GLG1: variants seen among roughly 807,000 people sequenced by gnomAD.
GLG1 encodes golgi glycoprotein 1.
GLG1 carries 38 observed loss-of-function variants against 160.5 expected under a neutral mutation model. The ratio of observed to expected loss-of-function variants is 0.24; its 90% CI spans 0.18 to 0.31. The LOEUF is 0.31. Among genes scored for constraint, GLG1 ranks in the 10% least tolerant of loss-of-function variants. The pLI is 1.00. For missense variants in GLG1, 1,373 were observed against 1,505.2 expected (o/e 0.91, Z 1.45); for synonymous variants, 644 against 543.4 (o/e 1.19, Z -2.57).
At chr16:74,575,619 G>A (rs112685216) in intron 1 of GLG1, among the ~76,000 whole-genome samples, 22,712 of 152,032 alleles carry the variant, frequency 0.15, 2,103 homozygotes, top group Middle Eastern at 0.22. Flanking sequence ...GTTTTTTTGA[G>A]ACAGAGTCTC....
chr16:74,598,329 G>A (rs1958353944), intron 1 of GLG1, among the ~76,000 whole-genome samples: 3 of 150,714 alleles, frequency 2.0e-5, no homozygotes, highest in East Asian at 2.0e-4. Context: ...AGACCATCCT[G>A]GCCAACATGG....
intron 2 of GLG1, among the ~76,000 whole-genome samples, chr16:74,516,408 A>G (rs1203245461): frequency 6.6e-6 from 1 of 151,880 alleles, no homozygotes; most frequent in Non-Finnish European, 1.5e-5. Context: ...AACTCACTCA[A>G]ACTTGCTCAA....
At chr16:74,506,688 T>C (rs1336336103) in intron 3 of GLG1, among the ~76,000 whole-genome samples, 1 of 151,838 alleles carries the variant, frequency 6.6e-6, no homozygotes, top group African/African-American at 2.4e-5. Flanking sequence ...ACTTGAGATT[T>C]TACTGAAACA....
intron 13 of GLG1, among the ~76,000 whole-genome samples, chr16:74,473,462 TAG>T (rs2015283673): frequency 9.6e-6 from 1 of 104,548 alleles, no homozygotes; most frequent in South Asian, 3.4e-4. Context: ...TTTTGAGACA[TAG>T]AGTCTCGCTC....
At chr16:74,472,458 G>C (rs1253052436) in intron 13 of GLG1, 47 bp from the exon 14 acceptor site, 1 of 1,429,208 alleles carries the variant, frequency 7.0e-7, no homozygotes, top group East Asian at 2.3e-5. Context: ...GAAAGAGCCA[G>C]GGTGGAGGAG....
rs2014381122 is a variant in GLG1, at chr16:74,452,895, TGA to T, written c.*270_*271del. 3 of 1,142,722 alleles carry T rather than the reference TGA, an allele frequency of 2.6e-6. No homozygotes were observed. In the East Asian group the frequency reaches 1.3e-4, roughly 51 times the overall value. The allele number at this position is 1,142,722 out of a possible 1,614,324, so 70.8% of individuals were successfully genotyped here. ...GGAAGTACCGGAAGTTCTGTTGGTA[TGA>T]GAGAGACTTGTCTACAGGCAGGTAA... On this transcript the variant is annotated 3_prime_UTR_variant, in exon 26 of 26. Coordinates refer to ENST00000422840, the MANE Select transcript of GLG1 (RefSeq NM_001145667.2).
rs781657222 is a variant in GLG1, at chr16:74,491,180, G to C, written c.1270C>G (p.Leu424Val). The C allele has an allele frequency of 1.2e-6, 2 of 1,613,938 alleles. No individual in the cohort carries two copies. Among genetic ancestry groups the C allele is most frequent in the African/African-American group, 1.3e-5 (1 of 74,910 alleles). Residue 424 changes from leucine to valine, a missense_variant, in exon 8 of 26, where the codon CTG (leucine) becomes GTG (valine). Physicochemically the swap from Leu to Val is conservative, Grantham distance 32. Around this residue, in one of 4 missense-constraint regions of GLG1, gnomAD observed 386 missense variants for 388.5 expected, o/e 0.99. Transcript: ENST00000422840. ...QVSSECQGEM[L>V]DYRRMLMEDF... is the part of the protein sequence containing the mutation. The stretch of plus-strand genomic sequence containing the variant: ...TCCATCAACATGCGTCGGTAATCCA[G>C]CATCTCCCCCTGGCACTCACTGCTG...
chr16:74,467,680 G>T, intron 18 of GLG1, 76 bp downstream of exon 18: 2 of 964,234 alleles, frequency 2.1e-6, no homozygotes, highest in Non-Finnish European at 3.3e-6. Flanking sequence ...TACCTTATGG[G>T]CACTAGCTTT....
At chr16:74,467,671 A>C in intron 18 of GLG1, 85 bp downstream of exon 18, 1 of 894,850 alleles carries the variant, frequency 1.1e-6, no homozygotes, top group South Asian at 1.5e-5. Flanking sequence ...CTAAAATGTT[A>C]CCTTATGGGC....
intron 22 of GLG1, 113 bp from the exon 23 acceptor site, chr16:74,459,902 C>G (rs772845078): frequency 3.4e-6 from 2 of 587,638 alleles, no homozygotes; most frequent in Non-Finnish European, 2.9e-6. Flanking sequence ...GTCACCCAGG[C>G]TGCAGTGCAG....
At chr16:74,500,523 T>C (rs1431486263) in intron 4 of GLG1, among the ~76,000 whole-genome samples, 2 of 150,682 alleles carry the variant, frequency 1.3e-5, no homozygotes, top group Admixed American at 6.6e-5. Flanking sequence ...CTCTAAATAG[T>C]AGGCGAGAAC....
At chr16:74,560,326 CTTTTTT>C (rs66983409) in intron 1 of GLG1, among the ~76,000 whole-genome samples, 1 of 118,410 alleles carries the variant, frequency 8.4e-6, no homozygotes, top group Non-Finnish European at 1.7e-5. Flanking sequence ...CAGTTTTTGT[CTTTTTT>C]TTTTTTTTTT....
chr16:74,566,620 CT>C (rs11398047), intron 1 of GLG1, among the ~76,000 whole-genome samples: 2 of 151,912 alleles, frequency 1.3e-5, no homozygotes, highest in Non-Finnish European at 2.9e-5. Flanking sequence ...GAGCAGGTCT[CT>C]TTTTTTCCCC....
At chr16:74,455,508 C>T (rs1464965342) in intron 25 of GLG1, among the ~76,000 whole-genome samples, 1 of 152,238 alleles carries the variant, frequency 6.6e-6, no homozygotes, top group Non-Finnish European at 1.5e-5. Flanking sequence ...GCTTTAAAGG[C>T]AACTTTCTTC....
chr16:74,544,712 G>A (rs1369961415), intron 1 of GLG1, among the ~76,000 whole-genome samples: 1 of 152,198 alleles, frequency 6.6e-6, no homozygotes, highest in East Asian at 1.9e-4. Flanking sequence ...ATTTGGGCCA[G>A]GATGGTCTCA....
In GLG1 at chr16:74,454,962, G is replaced by A. The variant is rs549472735; in HGVS notation, c.3373-1628C>T. Among the ~76,000 whole-genome samples the A allele has an allele frequency of 2.6e-5, 4 of 152,058 alleles. No homozygotes were observed. The East Asian group carries it at 7.7e-4, about 29-fold the overall frequency. ...CCACAAAAAATTATAAAATTAGCTG[G>A]GTGTGGTGGCGTGCACCTGTGGTCC... On this transcript the variant is annotated intron_variant, in intron 25 of 25. Transcript: ENST00000422840.
At chr16:74,474,396 T>G in intron 13 of GLG1, 150 bp downstream of exon 13, 1 of 626,214 alleles carries the variant, frequency 1.6e-6, no homozygotes, top group Non-Finnish European at 2.9e-6. Flanking sequence ...ATATACTTCT[T>G]TATAAAGCAA....
intron 4 of GLG1, among the ~76,000 whole-genome samples, chr16:74,498,458 ATATATATATTATATTT>A (rs1276972058): frequency 2.9e-5 from 3 of 102,126 alleles, no homozygotes; most frequent in East Asian, 6.4e-4. Flanking sequence ...GTATATATAT[ATATATATATTATATTT>A]TATATATATA....
chr16:74,601,326 A>C (rs1237483766), intron 1 of GLG1, among the ~76,000 whole-genome samples: 1 of 151,970 alleles, frequency 6.6e-6, no homozygotes, highest in Non-Finnish European at 1.5e-5. Flanking sequence ...TCCGCCTGTA[A>C]CCTCAGCATC....
Sources: allele counts gnomAD v4.1 joint callset (sites outside exome capture counted in the v4.1 genomes callset), GRCh38; gene constraint gnomAD v4.1.1; regional missense constraint gnomAD v4.1.1; transcripts MANE v1.5; gene names NCBI Gene and HGNC (gene_info 2026-07-23, HGNC 2026-07-21).